The following BPTF variants were observed in gnomAD, a reference collection of about 807,000 sequenced individuals.
The protein encoded by BPTF is bromodomain PHD finger transcription factor.
In BPTF, 18 loss-of-function variants were observed where a neutral mutation model predicts 292.5. That is an observed-to-expected ratio of 0.06 (90% CI 0.04 to 0.09). BPTF has a LOEUF of 0.09. Ranked by LOEUF, BPTF falls within the 10% of genes least tolerant of loss-of-function variation. The pLI, the probability that BPTF is intolerant of heterozygous loss-of-function variation, is 1.00. For synonymous variants in BPTF, 1,225 were observed against 1,251.9 expected (o/e 0.98, Z 0.45); for missense variants, 2,726 against 3,498.7 (o/e 0.78, Z 5.57).
chr17:67,942,620 A>G (rs2065467640), intron 19 of BPTF, among the ~76,000 whole-genome samples: 1 of 152,172 alleles, frequency 6.6e-6, no homozygotes, highest in African/African-American at 2.4e-5. Flanking sequence ...TATACCTTCT[A>G]GGTATATCCC....
chr17:67,918,620 AAC>A (rs2063217175), intron 11 of BPTF, 92 bp from the exon 12 acceptor site: 3 of 1,227,694 alleles, frequency 2.4e-6, no homozygotes, highest in Non-Finnish European at 3.4e-6. Flanking sequence ...GAGGACAAGA[AAC>A]ACAGCCCTTC....
intron 1 of BPTF, among the ~76,000 whole-genome samples, chr17:67,838,206 CTTTA>C (rs2057281259): frequency 6.6e-6 from 1 of 152,162 alleles, no homozygotes; most frequent in Non-Finnish European, 1.5e-5. Flanking sequence ...TCTAATAAAA[CTTTA>C]TTTACAAAAA....
intron 1 of BPTF, among the ~76,000 whole-genome samples, chr17:67,849,811 G>A (rs2058277360): frequency 6.6e-6 from 1 of 152,024 alleles, no homozygotes; most frequent in Admixed American, 6.6e-5. Flanking sequence ...CATGGTGGTG[G>A]GCACCTGTAG....
intron 3 of BPTF, among the ~76,000 whole-genome samples, chr17:67,874,408 A>G (rs1423678331): frequency 1.3e-5 from 2 of 152,186 alleles, no homozygotes; most frequent in Non-Finnish European, 2.9e-5. Flanking sequence ...AGCTAATCCA[A>G]GTCAGATTTG....
intron 13 of BPTF, among the ~76,000 whole-genome samples, chr17:67,921,618 A>G (rs1406035284): frequency 6.6e-6 from 1 of 152,232 alleles, no homozygotes; most frequent in Admixed American, 6.5e-5. Flanking sequence ...CCCCAAATGT[A>G]TACAATTAAT....
chr17:67,851,131 G>A (rs1330134545), intron 1 of BPTF, among the ~76,000 whole-genome samples: 3 of 152,168 alleles, frequency 2.0e-5, no homozygotes, highest in Admixed American at 1.3e-4. Context: ...CAGACAAGGA[G>A]AGGTCTCATG....
At chr17:67,936,441 C>A (rs2064921380) in intron 18 of BPTF, among the ~76,000 whole-genome samples, 1 of 152,086 alleles carries the variant, frequency 6.6e-6, no homozygotes. Context: ...TGGTAAATTG[C>A]CAGAGAAACT....
intron 17 of BPTF, 75 bp from the exon 18 acceptor site, chr17:67,931,836 A>G: frequency 9.5e-7 from 1 of 1,049,760 alleles, no homozygotes; most frequent in Non-Finnish European, 1.4e-6. Flanking sequence ...ATGTTTAAAG[A>G]TCTTGTGTTC....
intron 2 of BPTF, among the ~76,000 whole-genome samples, chr17:67,855,823 G>A (rs2058657813): frequency 6.6e-6 from 1 of 152,224 alleles, no homozygotes; most frequent in African/African-American, 2.4e-5. Context: ...GAATGTCAGA[G>A]CAGGGCATGG....
Position 67,937,311 on chromosome 17 carries a change from GC to G in BPTF, c.6260-3127del, listed in dbSNP as rs375901066. 3.3e-4 allele frequency among the ~76,000 whole-genome samples: 50 copies of G among 151,644 alleles called. No homozygotes were observed. In the East Asian group the frequency reaches 8.9e-3, roughly 27 times the overall value. ...TCTCTACTAAAAATACAAAAAATTAGCTGGGCATCATGGTTGGTGCCTGTAA... is the reference window on the plus strand; with the variant it reads ...TCTCTACTAAAAATACAAAAAATTAGTGGGCATCATGGTTGGTGCCTGTAA... On this transcript the variant is annotated intron_variant, in intron 18 of 27. Coordinates refer to ENST00000306378, the MANE Select transcript of BPTF (RefSeq NM_182641.4).
At position 67,894,016 on chromosome 17, in the gene BPTF, A is replaced by G. The variant is rs2061290872; in HGVS notation, c.2412-18A>G. On this transcript the variant is annotated intron_variant, in intron 6 of 27. Transcript: ENST00000306378. ...TCAACCTAGTGAAATAATTTCTCTC[A>G]TTTCTTCTGAAATACAGGGCAAATT... 1 of 1,608,124 alleles carries G rather than the reference A, an allele frequency of 6.2e-7. No homozygotes were observed. Among genetic ancestry groups the G allele is most frequent in the African/African-American group, 1.3e-5 (1 of 74,768 alleles).
chr17:67,926,366 C>A (rs1409572723), intron 15 of BPTF, among the ~76,000 whole-genome samples: 2 of 142,132 alleles, frequency 1.4e-5, no homozygotes, highest in African/African-American at 5.3e-5. Flanking sequence ...ACTCTGTCAC[C>A]CAGGCTGGAG....
At chr17:67,867,484 C>G (rs1335412439) in intron 3 of BPTF, among the ~76,000 whole-genome samples, 1 of 152,062 alleles carries the variant, frequency 6.6e-6, no homozygotes, top group Non-Finnish European at 1.5e-5. Context: ...ACTAATGGAC[C>G]AGTATTGATA....
rs150850537 is a variant in BPTF at position 67,882,574 on chromosome 17, A to G, written c.1864+7554A>G. Among the ~76,000 whole-genome samples the G allele has an allele frequency of 2.7e-3, 406 of 152,324 alleles. 2 individuals are homozygous for G. Among genetic ancestry groups the G allele is most frequent in the Non-Finnish European group, 3.1e-3 (208 of 68,028 alleles). The stretch of plus-strand genomic sequence containing the variant: ...GAAGTGATTTATTTTAAATAGTAGT[A>G]TTTTCATAATACCAGTATTATTGTT... On this transcript the variant is annotated intron_variant, in intron 4 of 27. Transcript: ENST00000306378.
chr17:67,834,795 T>C (rs2056998102), intron 1 of BPTF, among the ~76,000 whole-genome samples: 1 of 152,196 alleles, frequency 6.6e-6, no homozygotes, highest in Non-Finnish European at 1.5e-5. Context: ...ATCTCTTGAA[T>C]GCAGTAGGCA....
intron 4 of BPTF, among the ~76,000 whole-genome samples, chr17:67,881,886 A>G (rs2060448753): frequency 8.2e-5 from 4 of 48,958 alleles, no homozygotes; most frequent in African/African-American, 2.2e-4. Flanking sequence ...TTTTTTTTTG[A>G]GACAGGGTCT....
intron 17 of BPTF, 134 bp downstream of exon 17, chr17:67,929,621 G>A: frequency 9.6e-7 from 1 of 1,040,762 alleles, no homozygotes; most frequent in Non-Finnish European, 1.4e-6. Flanking sequence ...TACTGATTTG[G>A]AAAAAAATCT....
In BPTF at chr17:67,826,180, C is replaced by G. The variant is rs148162720; in HGVS notation, c.456C>G (p.Ala152=). Residue 152 remains alanine, a synonymous_variant, in exon 1 of 28, where the codon GCC becomes GCG. Transcript: ENST00000306378. ...AGGAGGAGGAGGAGGACGGCGACGCCGAGGAGACCCAGGATTCTGAGGACG... is the reference window on the plus strand; with the variant it reads ...AGGAGGAGGAGGAGGACGGCGACGCGGAGGAGACCCAGGATTCTGAGGACG... ...SEEEEEEDGD[A]EETQDSEDDE... The G allele has an allele frequency of 6.2e-6, 10 of 1,602,430 alleles. No homozygotes were observed. The highest frequency in any genetic ancestry group is 3.3e-5 in the South Asian group (3 of 90,880).
intron 1 of BPTF, among the ~76,000 whole-genome samples, chr17:67,853,595 TTTA>T (rs138011827): frequency 2.0e-4 from 30 of 151,192 alleles, no homozygotes; most frequent in Middle Eastern, 3.4e-3. Flanking sequence ...AATGCAGTTA[TTTA>T]TTATTATTAT....
Sources: allele counts gnomAD v4.1 joint callset (sites outside exome capture counted in the v4.1 genomes callset), GRCh38; gene constraint gnomAD v4.1.1; transcripts MANE v1.5; gene names NCBI Gene and HGNC (gene_info 2026-07-23, HGNC 2026-07-21).